Variants in DCC observed in about 807,000 individuals in gnomAD.
The protein encoded by DCC is DCC netrin 1 receptor.
DCC carries 58 observed loss-of-function variants against 172.5 expected under a neutral mutation model. The observed-to-expected ratio is 0.34, with a 90% CI of 0.27 to 0.42. DCC has a LOEUF of 0.42. Among genes scored for constraint, DCC ranks in the 10% least tolerant of loss-of-function variants. The probability of loss-of-function intolerance (pLI) is 1.00; values close to 1 mark genes in which losing one functional copy is unlikely to be tolerated. For missense variants in DCC, 1,740 were observed against 1,791.0 expected (o/e 0.97, Z 0.51); for synonymous variants, 709 against 644.5 (o/e 1.10, Z -1.52).
intron 5 of DCC, among the ~76,000 whole-genome samples, chr18:52,974,096 T>C (rs2041073570): frequency 6.6e-6 from 1 of 152,196 alleles, no homozygotes; most frequent in Non-Finnish European, 1.5e-5. Flanking sequence ...GTGAAGAATA[T>C]ATTATACATG....
intron 1 of DCC, among the ~76,000 whole-genome samples, chr18:52,731,697 C>G (rs754547545): frequency 7.9e-5 from 12 of 151,992 alleles, no homozygotes; most frequent in Non-Finnish European, 1.2e-4. Flanking sequence ...CCCAAAAAAC[C>G]CACCCACAGA....
intron 2 of DCC, among the ~76,000 whole-genome samples, chr18:52,799,966 T>C (rs779759752): frequency 1.4e-4 from 22 of 152,196 alleles, no homozygotes; most frequent in South Asian, 2.1e-4. Context: ...AGGGCAGAGA[T>C]GGTAGTTCTT....
chr18:52,522,672 T>G (rs1311004294), intron 1 of DCC, among the ~76,000 whole-genome samples: 1 of 152,296 alleles, frequency 6.6e-6, no homozygotes, highest in East Asian at 1.9e-4. Context: ...CAAAACACAG[T>G]CTATTTGAAA....
At chr18:53,238,299 C>G (rs1031676644) in intron 12 of DCC, among the ~76,000 whole-genome samples, 4 of 152,050 alleles carry the variant, frequency 2.6e-5, no homozygotes, top group African/African-American at 9.7e-5. Flanking sequence ...TCAATGTGAA[C>G]ACTTTATTGA....
intron 12 of DCC, 57 bp from the exon 13 acceptor site, chr18:53,305,521 C>T (rs2057189484): frequency 2.8e-6 from 4 of 1,451,160 alleles, no homozygotes; most frequent in Non-Finnish European, 2.9e-6. Context: ...CTTCTTTGAC[C>T]CTGTCCCATT....
chr18:52,439,415 G>C (rs1360139633), intron 1 of DCC, among the ~76,000 whole-genome samples: 4 of 151,996 alleles, frequency 2.6e-5, no homozygotes, highest in African/African-American at 9.7e-5. Flanking sequence ...TCACACTCTG[G>C]TTTGTATATA....
intron 1 of DCC, among the ~76,000 whole-genome samples, chr18:52,396,524 C>G (rs1986237278): frequency 6.6e-6 from 1 of 151,970 alleles, no homozygotes; most frequent in South Asian, 2.1e-4. Context: ...TGAAAGTCGC[C>G]CTGTGATTTA....
intron 1 of DCC, among the ~76,000 whole-genome samples, chr18:52,404,827 A>C (rs551258806): frequency 3.6e-5 from 4 of 109,788 alleles, no homozygotes; most frequent in African/African-American, 7.3e-5. Context: ...CCCACCCGAC[A>C]ACAGTCCCCA....
Position 52,433,977 on chromosome 18 carries a change from A to C in DCC, c.91+93099A>C, listed in dbSNP as rs544908486. Among the ~76,000 whole-genome samples, 4 of 152,344 alleles carry C rather than the reference A, an allele frequency of 2.6e-5. No individual in the cohort carries two copies. The East Asian group carries it at 7.7e-4, about 29-fold the overall frequency. On this transcript the variant is annotated intron_variant, in intron 1 of 28. Transcript: ENST00000442544. ...TTAAAAAAATCACACATGTAGGTCC[A>C]AGGGAAAAAAGTGCCATGTAAGCAG...
intron 27 of DCC, among the ~76,000 whole-genome samples, chr18:53,500,183 G>C (rs1411101083): frequency 6.6e-6 from 1 of 152,054 alleles, no homozygotes; most frequent in African/African-American, 2.4e-5. Context: ...TCCAAATTGA[G>C]CTCCATTTTG....
intron 3 of DCC, among the ~76,000 whole-genome samples, chr18:52,918,680 C>A (rs1158670125): frequency 1.3e-5 from 2 of 152,118 alleles, no homozygotes; most frequent in Non-Finnish European, 2.9e-5. Flanking sequence ...TCTTTATCCT[C>A]CTCATTTAAA....
intron 12 of DCC, among the ~76,000 whole-genome samples, chr18:53,250,677 T>C (rs1240718369): frequency 2.0e-5 from 3 of 151,864 alleles, no homozygotes; most frequent in Admixed American, 6.6e-5. Context: ...TCCTCTCTTA[T>C]ATCTTTAACT....
chr18:52,383,105 C>T (rs1388172418), intron 1 of DCC, among the ~76,000 whole-genome samples: 3 of 152,086 alleles, frequency 2.0e-5, no homozygotes, highest in African/African-American at 4.8e-5. Flanking sequence ...TGTGCTAGAT[C>T]CTTCTTACAC....
In DCC at chr18:52,995,605, A is replaced by G. The variant is rs116540913; in HGVS notation, c.986-67700A>G. Among the ~76,000 whole-genome samples the G allele has an allele frequency of 6.5e-3, 993 of 152,118 alleles. 8 individuals are homozygous for G. The highest frequency in any genetic ancestry group is 0.023 in the African/African-American group (950 of 41,508). Reference sequence around the variant, plus strand: ...CCTTGTGAAGGTCAGAAGAAGACCTAGGTGAACAGAGCATACTTTCTAACA... The same window carrying G: ...CCTTGTGAAGGTCAGAAGAAGACCTGGGTGAACAGAGCATACTTTCTAACA... On this transcript the variant is annotated intron_variant, in intron 5 of 28. Transcript: ENST00000442544.
intron 1 of DCC, among the ~76,000 whole-genome samples, chr18:52,712,181 G>A (rs1282895380): frequency 1.3e-5 from 2 of 152,114 alleles, no homozygotes; most frequent in East Asian, 1.9e-4. Context: ...GGATGGCCTT[G>A]ATCTCTTGAC....
chr18:53,463,992 C>A (rs576460922), intron 24 of DCC, among the ~76,000 whole-genome samples: 1 of 152,180 alleles, frequency 6.6e-6, no homozygotes, highest in Admixed American at 6.5e-5. Flanking sequence ...ACTGCTTAAA[C>A]AAAACCTACT....
intron 1 of DCC, among the ~76,000 whole-genome samples, chr18:52,482,050 AG>A (rs1219105545): frequency 6.6e-6 from 1 of 152,034 alleles, no homozygotes; most frequent in African/African-American, 2.4e-5. Flanking sequence ...TTTATCAAAG[AG>A]GAGGCTTTTG....
chr18:52,883,003 T>C (rs1376595203), intron 2 of DCC, among the ~76,000 whole-genome samples: 1 of 152,132 alleles, frequency 6.6e-6, no homozygotes, highest in African/African-American at 2.4e-5. Context: ...CATTATATAA[T>C]AGACTTGTTT....
At chr18:52,417,307 T>C (rs1392669729) in intron 1 of DCC, among the ~76,000 whole-genome samples, 3 of 152,150 alleles carry the variant, frequency 2.0e-5, no homozygotes, top group Non-Finnish European at 4.4e-5. Context: ...CCTTAACGTT[T>C]TTTCCTTCAT....
Sources: allele counts gnomAD v4.1 joint callset (sites outside exome capture counted in the v4.1 genomes callset), GRCh38; gene constraint gnomAD v4.1.1; transcripts MANE v1.5; gene names NCBI Gene and HGNC (gene_info 2026-07-23, HGNC 2026-07-21).